ANO2: variants seen among roughly 807,000 people sequenced by gnomAD.
ANO2 encodes the protein anoctamin-2.
In ANO2, 101 loss-of-function variants were observed where a neutral mutation model predicts 124.2. The ratio of observed to expected loss-of-function variants is 0.81; its 90% CI spans 0.69 to 0.96. The LOEUF (loss-of-function observed/expected upper bound fraction) is 0.96. Ranked by LOEUF, ANO2 falls within the 40% of genes least tolerant of loss-of-function variation. The probability of loss-of-function intolerance (pLI) is 0.00; values close to 1 mark genes in which losing one functional copy is unlikely to be tolerated. For missense variants in ANO2, 1,293 were observed against 1,274.5 expected, an observed-to-expected ratio of 1.01 and a Z score of -0.22; for synonymous variants, 486 against 482.5, an observed-to-expected ratio of 1.01 and a Z score of -0.09.
chr12:5,945,322 G>T, upstream of ANO2: 1 of 1,029,100 alleles, frequency 9.7e-7, no homozygotes, highest in South Asian at 2.7e-5. Context: ...CGGCGCGCCC[G>T]CCCCTCGCCG....
At chr12:5,922,445 G>A (rs998787400) in intron 2 of ANO2, among the ~76,000 whole-genome samples, 175 bp downstream of exon 2, 1 of 152,222 alleles carries the variant, frequency 6.6e-6, no homozygotes, top group Non-Finnish European at 1.5e-5. Context: ...ACAGGGCACT[G>A]GGAAAGTGTG....
At chr12:5,922,594 C>T (rs2136304423) in intron 2 of ANO2, 26 bp downstream of exon 2, 4 of 1,474,768 alleles carry the variant, frequency 2.7e-6, no homozygotes, top group Non-Finnish European at 2.7e-6. Context: ...GCCTATCCCC[C>T]CACCCCACCC....
chr12:5,846,006 G>C (rs4764511), intron 4 of ANO2, among the ~76,000 whole-genome samples: 132,616 of 152,238 alleles, frequency 0.87, 59,232 homozygotes, highest in East Asian at 1. Context: ...TTTGTTTTGA[G>C]TGGCATAATT....
At chr12:5,654,820 T>C (rs1399333444) in intron 14 of ANO2, among the ~76,000 whole-genome samples, 1 of 152,124 alleles carries the variant, frequency 6.6e-6, no homozygotes. Context: ...ACACTAAACA[T>C]CACACACATG....
intron 8 of ANO2, 90 bp from the exon 9 acceptor site, chr12:5,806,183 T>C: frequency 7.5e-7 from 1 of 1,331,526 alleles, no homozygotes; most frequent in Admixed American, 2.2e-5. Flanking sequence ...TATTTTCTAA[T>C]ATCATTGCTT....
At chr12:5,782,146 G>C (rs1051520497) in intron 10 of ANO2, among the ~76,000 whole-genome samples, 2 of 152,022 alleles carry the variant, frequency 1.3e-5, no homozygotes, top group African/African-American at 2.4e-5. Flanking sequence ...ACATATTTAG[G>C]ATTTTTATGT....
chr12:5,804,284 G>T (rs1953127384), intron 9 of ANO2, among the ~76,000 whole-genome samples: 2 of 152,210 alleles, frequency 1.3e-5, no homozygotes, highest in Non-Finnish European at 2.9e-5. Context: ...CCTGCCGTGA[G>T]AATCTCTCTT....
At chr12:5,788,584 G>A (rs1053585506) in intron 10 of ANO2, among the ~76,000 whole-genome samples, 2 of 145,110 alleles carry the variant, frequency 1.4e-5, no homozygotes, top group African/African-American at 2.4e-5. Context: ...TTTTGGAGAC[G>A]GAGTCTAACT....
intron 10 of ANO2, among the ~76,000 whole-genome samples, chr12:5,771,092 T>C (rs1952064078): frequency 6.6e-6 from 1 of 152,230 alleles, no homozygotes. Context: ...GAATGTAAGC[T>C]CCATGAGAGC....
intron 14 of ANO2, among the ~76,000 whole-genome samples, chr12:5,706,125 T>C (rs1949599500): frequency 6.6e-6 from 1 of 152,190 alleles, no homozygotes; most frequent in Admixed American, 6.5e-5. Context: ...GTGGCAATAT[T>C]CTTTAACCTA....
intron 10 of ANO2, among the ~76,000 whole-genome samples, chr12:5,791,520 TA>T (rs1284109657): frequency 6.6e-6 from 1 of 152,126 alleles, no homozygotes; most frequent in African/African-American, 2.4e-5. Flanking sequence ...TTGAAGGGAT[TA>T]ACACTAGAGG....
intron 7 of ANO2, among the ~76,000 whole-genome samples, chr12:5,816,883 A>G (rs1953628016): frequency 6.6e-6 from 1 of 152,200 alleles, no homozygotes; most frequent in Non-Finnish European, 1.5e-5. Flanking sequence ...GAGCCCCTCA[A>G]GGGTAGAAAT....
At chr12:5,749,628 A>G (rs1951378744) in intron 11 of ANO2, among the ~76,000 whole-genome samples, 1 of 152,250 alleles carries the variant, frequency 6.6e-6, no homozygotes, top group Admixed American at 6.5e-5. Context: ...ATATTAAAAC[A>G]TACTAACCAT....
chr12:5,858,358 T>C (rs1166065597), intron 3 of ANO2, among the ~76,000 whole-genome samples: 1 of 152,148 alleles, frequency 6.6e-6, no homozygotes, highest in Non-Finnish European at 1.5e-5. Context: ...TTATTTCTAA[T>C]AGCAAAATAC....
At chr12:5,743,086 A>C (rs889566146) in intron 12 of ANO2, among the ~76,000 whole-genome samples, 3 of 151,892 alleles carry the variant, frequency 2.0e-5, no homozygotes, top group South Asian at 2.1e-4. Flanking sequence ...TCTCCACCCA[A>C]GTGAAGGTCC....
At chr12:5,699,476 CACTGCAAAGACATGCCAA>C (rs1180961234) in intron 14 of ANO2, among the ~76,000 whole-genome samples, 1 of 152,058 alleles carries the variant, frequency 6.6e-6, no homozygotes, top group Non-Finnish European at 1.5e-5. Flanking sequence ...CCATACCAGC[CACTGCAAAGACATGCCAA>C]ACTGTAAAGA....
At chr12:5,692,276 G>A (rs902212226) in intron 14 of ANO2, among the ~76,000 whole-genome samples, 8 of 152,102 alleles carry the variant, frequency 5.3e-5, no homozygotes, top group Non-Finnish European at 1.2e-4. Context: ...TGGGGTTTGA[G>A]GGAACACAGA....
Position 5,827,939 on chromosome 12 carries a change from C to T in ANO2, c.841-119G>A, listed in dbSNP as rs192192814. The T allele has an allele frequency of 1.6e-4, 177 of 1,080,866 alleles. 1 individual carries two copies. The East Asian group carries it at 4.2e-3, about 26-fold the overall frequency. 67.0% of individuals were successfully genotyped at this position (1,080,866 alleles called of 1,614,324 possible). On this transcript the variant is annotated intron_variant, in intron 6 of 24. Coordinates refer to ENST00000682330, the MANE Select transcript of ANO2 (RefSeq NM_001364791.2). ...CGCCCGGGCTCATTTGGAGCCAGGA[C>T]GAAGCCAAGCATGTGCCTGGCTCAT...
At position 5,598,254 on chromosome 12, in the gene ANO2, G is replaced by A. The variant is rs74358806; in HGVS notation, c.2233+1230C>T. Among the ~76,000 whole-genome samples, 1,261 of 152,348 alleles carry A rather than the reference G, an allele frequency of 8.3e-3. 13 individuals carry two copies. Among genetic ancestry groups the A allele is most frequent in the African/African-American group, 0.018 (749 of 41,586 alleles). On this transcript the variant is annotated intron_variant, in intron 20 of 24. Coordinates refer to ENST00000682330, the MANE Select transcript of ANO2 (RefSeq NM_001364791.2). Reference sequence around the variant, plus strand: ...ATGCAAACACAGTGATAGGTGCAATGATACTAAGCACTGAATTAAACATTG... The same window carrying A: ...ATGCAAACACAGTGATAGGTGCAATAATACTAAGCACTGAATTAAACATTG...
Sources: allele counts gnomAD v4.1 joint callset (sites outside exome capture counted in the v4.1 genomes callset), GRCh38; gene constraint gnomAD v4.1.1; transcripts MANE v1.5; gene names NCBI Gene and HGNC (gene_info 2026-07-23, HGNC 2026-07-21).